Variants in LRRC4C observed in about 807,000 individuals in gnomAD.
LRRC4C encodes leucine-rich repeat-containing protein 4C.
A neutral mutation model predicts 33.6 loss-of-function variants in LRRC4C; 5 were observed. The observed-to-expected ratio is 0.15, with a 90% CI of 0.08 to 0.31. The LOEUF is 0.31. LRRC4C is among the 10% of genes least tolerant of loss of function. LRRC4C has a pLI of 1.00. For missense variants in LRRC4C, 560 were observed against 796.7 expected (o/e 0.70, Z 3.58); for synonymous variants, 329 against 302.0 (o/e 1.09, Z -0.93).
chr11:40,343,949 G>A (rs969882015), intron 3 of LRRC4C, among the ~76,000 whole-genome samples: 13 of 151,940 alleles, frequency 8.6e-5, no homozygotes, highest in African/African-American at 3.1e-4. Flanking sequence ...GACTGAACTT[G>A]GAAGAAGTTG....
At chr11:41,296,666 C>T (rs57893333) in intron 1 of LRRC4C, among the ~76,000 whole-genome samples, 2,140 of 152,194 alleles carry the variant, frequency 0.014, 56 homozygotes, top group African/African-American at 0.049. Context: ...TCCAAAACAA[C>T]CTCTTTCACT....
chr11:40,537,059 C>A (rs79951088), intron 3 of LRRC4C, among the ~76,000 whole-genome samples: 1 of 152,058 alleles, frequency 6.6e-6, no homozygotes, highest in Non-Finnish European at 1.5e-5. Context: ...TGAACCCTGT[C>A]AAAATATGAG....
chr11:40,324,891 G>A (rs1386858026), intron 3 of LRRC4C, among the ~76,000 whole-genome samples: 1 of 152,148 alleles, frequency 6.6e-6, no homozygotes, highest in African/African-American at 2.4e-5. Flanking sequence ...GCAAGATATT[G>A]TGCCTCAGGT....
At chr11:40,801,223 C>T (rs574124549) in intron 2 of LRRC4C, among the ~76,000 whole-genome samples, 1 of 152,222 alleles carries the variant, frequency 6.6e-6, no homozygotes, top group Admixed American at 6.5e-5. Flanking sequence ...TCACTATAAG[C>T]AATTTATGAG....
chr11:41,125,182 A>G (rs571449577), intron 1 of LRRC4C, among the ~76,000 whole-genome samples: 1 of 152,272 alleles, frequency 6.6e-6, no homozygotes, highest in African/African-American at 2.4e-5. Context: ...AGACATGGCC[A>G]TTAGGATCTG....
At chr11:41,190,298 A>G (rs1157411879) in intron 1 of LRRC4C, among the ~76,000 whole-genome samples, 3 of 152,162 alleles carry the variant, frequency 2.0e-5, no homozygotes, top group Non-Finnish European at 4.4e-5. Context: ...TGCAATGTAA[A>G]CAGCTTCATC....
chr11:40,169,458 A>G (rs556116321), intron 5 of LRRC4C, among the ~76,000 whole-genome samples: 1 of 152,310 alleles, frequency 6.6e-6, no homozygotes, highest in African/African-American at 2.4e-5. Flanking sequence ...ATCTCAGGGT[A>G]TCAAGATAAC....
chr11:40,890,924 A>G (rs1955676768), intron 2 of LRRC4C, among the ~76,000 whole-genome samples: 1 of 152,216 alleles, frequency 6.6e-6, no homozygotes, highest in African/African-American at 2.4e-5. Context: ...ACTGAATTCA[A>G]ATTTACAGCT....
intron 3 of LRRC4C, among the ~76,000 whole-genome samples, chr11:40,339,249 T>C (rs562170027): frequency 1.2e-4 from 19 of 152,342 alleles, no homozygotes; most frequent in African/African-American, 4.6e-4. Context: ...TATCTTTTCT[T>C]TGGACAGTCT....
chr11:40,547,852 T>G (rs1956985624), intron 3 of LRRC4C, among the ~76,000 whole-genome samples: 1 of 152,104 alleles, frequency 6.6e-6, no homozygotes, highest in African/African-American at 2.4e-5. Context: ...GGCCAGAGAA[T>G]ATATAAAACA....
chr11:40,383,875 G>A (rs1948994849), intron 3 of LRRC4C, among the ~76,000 whole-genome samples: 1 of 149,982 alleles, frequency 6.7e-6, no homozygotes, highest in Non-Finnish European at 1.5e-5. Flanking sequence ...TGTTGAGATA[G>A]GGTCTCTCCA....
intron 5 of LRRC4C, among the ~76,000 whole-genome samples, chr11:40,235,121 A>T (rs10501223): frequency 0.76 from 116,234 of 152,194 alleles, 48,761 homozygotes; most frequent in East Asian, 0.96. Flanking sequence ...CTTAGTTATA[A>T]TTTGGTTTTG....
intron 5 of LRRC4C, among the ~76,000 whole-genome samples, chr11:40,183,261 C>T (rs1284913231): frequency 2.0e-5 from 3 of 152,042 alleles, no homozygotes; most frequent in African/African-American, 4.8e-5. Flanking sequence ...AGATAAGCTT[C>T]GGGCCACTGA....
chr11:41,156,717 T>G (rs1423897418), intron 1 of LRRC4C, among the ~76,000 whole-genome samples: 1 of 151,842 alleles, frequency 6.6e-6, no homozygotes, highest in Admixed American at 6.6e-5. Context: ...GGAGGGGCAT[T>G]AGGGCAGCAA....
intron 1 of LRRC4C, among the ~76,000 whole-genome samples, chr11:41,226,195 C>T (rs979635025): frequency 1.3e-5 from 2 of 152,076 alleles, no homozygotes; most frequent in African/African-American, 2.4e-5. Flanking sequence ...ATGTCACTCC[C>T]CTCTATGGAC....
chr11:40,209,085 T>C (rs1273161273), intron 5 of LRRC4C, among the ~76,000 whole-genome samples: 1 of 152,106 alleles, frequency 6.6e-6, no homozygotes, highest in African/African-American at 2.4e-5. Context: ...ACAAAGGACA[T>C]GTGAAAATGA....
chr11:41,131,354 C>T (rs1943003228), intron 1 of LRRC4C, among the ~76,000 whole-genome samples: 1 of 152,026 alleles, frequency 6.6e-6, no homozygotes, highest in South Asian at 2.1e-4. Context: ...CATATGTATT[C>T]ATCTTAAATT....
At chr11:40,731,276 G>A (rs1022230154) in intron 2 of LRRC4C, among the ~76,000 whole-genome samples, 2 of 152,018 alleles carry the variant, frequency 1.3e-5, no homozygotes, top group Non-Finnish European at 2.9e-5. Context: ...CTGAGATCAC[G>A]CCACTGCACT....
intron 1 of LRRC4C, among the ~76,000 whole-genome samples, chr11:40,947,388 G>A (rs1022978576): frequency 4.6e-5 from 7 of 152,060 alleles, no homozygotes; most frequent in Non-Finnish European, 4.4e-5. Flanking sequence ...GATCCTTTCA[G>A]GTCTTGCTTT....
Sources: allele counts gnomAD v4.1 joint callset (sites outside exome capture counted in the v4.1 genomes callset), GRCh38; gene constraint gnomAD v4.1.1; transcripts MANE v1.5; gene names NCBI Gene and HGNC (gene_info 2026-07-23, HGNC 2026-07-21).